GPR143: variants seen among roughly 807,000 people sequenced by gnomAD.
GPR143 encodes G-protein coupled receptor 143.
Under a neutral mutation model 27.6 loss-of-function variants are expected in GPR143, and 8 were observed. The observed-to-expected ratio is 0.29, with a 90% CI of 0.17 to 0.52. The LOEUF is 0.52. GPR143 is among the 20% of genes least tolerant of loss of function. The probability of loss-of-function intolerance (pLI) is 0.96; values close to 1 mark genes in which losing one functional copy is unlikely to be tolerated. For synonymous variants in GPR143, 156 were observed against 153.2 expected, an observed-to-expected ratio of 1.02 and a Z score of -0.13; for missense variants, 303 against 343.1, an observed-to-expected ratio of 0.88 and a Z score of 0.92.
chrX:9,745,743 G>C (rs1434729920), intron 5 of GPR143, among the ~76,000 whole-genome samples: 2 of 111,690 alleles, frequency 1.8e-5, no homozygotes, highest in African/African-American at 6.5e-5. Flanking sequence ...CACCTCCACA[G>C]TCGTCCAAGG....
At position 9,755,154 on chromosome X, in the gene GPR143, A is replaced by G. The variant is rs1239253021; in HGVS notation, c.455+4178T>C. Among the ~76,000 whole-genome samples the G allele has an allele frequency of 8.9e-5, 10 of 112,335 alleles. No homozygotes were observed. In the Admixed American group the frequency reaches 9.4e-4, roughly 11 times the overall value. On this transcript the variant is annotated intron_variant, in intron 3 of 8. Coordinates refer to ENST00000467482, the MANE Select transcript of GPR143 (RefSeq NM_000273.3). Reference sequence around the variant, plus strand: ...AAGTTCTGGCCAGGCATGGTGGCTCAAGCCTGTAATCCCAACACTTTGGGA... The same window carrying G: ...AAGTTCTGGCCAGGCATGGTGGCTCGAGCCTGTAATCCCAACACTTTGGGA...
chrX:9,773,092 T>C (rs1465902616), intron 1 of GPR143, among the ~76,000 whole-genome samples: 3 of 111,713 alleles, frequency 2.7e-5, no homozygotes, highest in Non-Finnish European at 5.6e-5. Flanking sequence ...TAACATCAAG[T>C]ACGGTGTTTT....
chrX:9,749,177 TAGTG>T (rs948962626), intron 3 of GPR143, among the ~76,000 whole-genome samples: 3 of 111,358 alleles, frequency 2.7e-5, no homozygotes, highest in Non-Finnish European at 5.7e-5. Context: ...GTTCTCGTGA[TAGTG>T]AGTGAGTTCT....
chrX:9,757,146 G>C (rs1299917756), intron 3 of GPR143, among the ~76,000 whole-genome samples: 1 of 112,365 alleles, frequency 8.9e-6, no homozygotes, highest in Non-Finnish European at 1.9e-5. Context: ...AACAATTATT[G>C]CTCACAGCTC....
At chrX:9,767,054 G>T (rs1337268288), upstream of GPR143, among the ~76,000 whole-genome samples, 1 of 110,115 alleles carries the variant, frequency 9.1e-6, no homozygotes, top group African/African-American at 3.3e-5. Context: ...TATTTATTTG[G>T]ATTTTTCTTA....
At chrX:9,769,645 G>C (rs770286170), upstream of GPR143, among the ~76,000 whole-genome samples, 1 of 111,505 alleles carries the variant, frequency 9.0e-6, no homozygotes, top group Non-Finnish European at 1.9e-5. Flanking sequence ...GCAGTGGTGC[G>C]ATCTCAGCTC....
chrX:9,751,535 A>G (rs189784844), intron 3 of GPR143, among the ~76,000 whole-genome samples: 3 of 112,590 alleles, frequency 2.7e-5, no homozygotes, highest in Middle Eastern at 4.6e-3. Context: ...GTACTAATGC[A>G]TGCTACTCCA....
intron 8 of GPR143, among the ~76,000 whole-genome samples, chrX:9,733,150 G>T (rs1277464369): frequency 1.8e-5 from 2 of 110,798 alleles, no homozygotes; most frequent in African/African-American, 6.6e-5. Flanking sequence ...ACAGGAAATT[G>T]CTGGAGAAAG....
intron 5 of GPR143, among the ~76,000 whole-genome samples, chrX:9,745,363 A>T (rs764150358): frequency 8.9e-6 from 1 of 112,577 alleles, no homozygotes; most frequent in East Asian, 2.8e-4. Flanking sequence ...AAGTTCAACA[A>T]TCAACAGGTG....
chrX:9,739,744 T>C (rs2083394552), intron 7 of GPR143, 25 bp from the exon 8 acceptor site: 3 of 965,348 alleles, frequency 3.1e-6, no homozygotes, highest in Non-Finnish European at 4.4e-6. Flanking sequence ...GAAAGACACA[T>C]GGCAGTCAGT....
intron 3 of GPR143, among the ~76,000 whole-genome samples, chrX:9,752,259 A>T (rs757371778): frequency 9.0e-6 from 1 of 111,694 alleles, no homozygotes; most frequent in Admixed American, 9.5e-5. Context: ...GTAGAGATGG[A>T]GTCTTGCTAT....
chrX:9,740,547 A>AT (rs968423939), intron 7 of GPR143, among the ~76,000 whole-genome samples: 2 of 111,647 alleles, frequency 1.8e-5, no homozygotes, highest in African/African-American at 6.5e-5. Flanking sequence ...CAATACATGA[A>AT]TTTTTTTTCT....
intron 8 of GPR143, among the ~76,000 whole-genome samples, chrX:9,727,778 CA>C (rs777513082): frequency 1.8e-5 from 2 of 112,225 alleles, no homozygotes; most frequent in South Asian, 7.4e-4. Flanking sequence ...GACTGCACTC[CA>C]AAAAGCCTCC....
At chrX:9,770,898 A>G (rs146077210), upstream of GPR143, among the ~76,000 whole-genome samples, 272 of 112,199 alleles carry the variant, frequency 2.4e-3, 1 homozygote, top group African/African-American at 8.3e-3. Context: ...CTTTCATTTA[A>G]GTGCAATTCA....
intron 4 of GPR143, among the ~76,000 whole-genome samples, chrX:9,746,930 G>A (rs1186914349): frequency 1.9e-5 from 2 of 103,800 alleles, no homozygotes; most frequent in African/African-American, 3.5e-5. Context: ...GGCCACGGAA[G>A]GGGGAATGAC....
intron 3 of GPR143, among the ~76,000 whole-genome samples, chrX:9,757,782 G>GT (rs1197009644): frequency 9.0e-6 from 1 of 111,173 alleles, no homozygotes; most frequent in Non-Finnish European, 1.9e-5. Context: ...TGTTTCTATT[G>GT]TTTTTTGAGA....
chrX:9,731,797 T>TGG (rs375275363), intron 8 of GPR143, among the ~76,000 whole-genome samples: 2 of 68,919 alleles, frequency 2.9e-5, no homozygotes, highest in Admixed American at 3.1e-4. Context: ...TATAAGGAAT[T>TGG]GGGGGGGGGG....
upstream of GPR143, among the ~76,000 whole-genome samples, chrX:9,770,781 G>A (rs2083552046): frequency 9.0e-6 from 1 of 111,681 alleles, no homozygotes; most frequent in Non-Finnish European, 1.9e-5. Context: ...GACACACAAT[G>A]TGCCTTAAAC....
chrX:9,744,597 C>T (rs1207395604), intron 5 of GPR143, among the ~76,000 whole-genome samples: 2 of 110,455 alleles, frequency 1.8e-5, no homozygotes, highest in Non-Finnish European at 3.8e-5. Flanking sequence ...CCCAGCTACT[C>T]GGGAGGCTGA....
Sources: gnomAD v4.1 joint callset for allele counts (sites outside exome capture counted in the v4.1 genomes callset) on GRCh38, gnomAD v4.1.1 for gene constraint, MANE v1.5 for transcripts, NCBI Gene and HGNC (gene_info 2026-07-23, HGNC 2026-07-21) for gene names.